The following PARD3B variants were observed in gnomAD, a reference collection of about 807,000 sequenced individuals.
The protein encoded by PARD3B is partitioning defective 3 homolog B.
In PARD3B, 103 loss-of-function variants were observed where a neutral mutation model predicts 130.2. The observed-to-expected ratio is 0.79, with a 90% CI of 0.67 to 0.93. PARD3B has a LOEUF of 0.93. Ranked by LOEUF, PARD3B falls within the 40% of genes least tolerant of loss-of-function variation. The pLI is 0.00. For missense variants in PARD3B, 1,609 were observed against 1,499.2 expected (o/e 1.07, Z -1.21); for synonymous variants, 583 against 553.2 (o/e 1.05, Z -0.76).
intron 18 of PARD3B, among the ~76,000 whole-genome samples, chr2:205,372,345 G>A (rs769738066): frequency 2.0e-5 from 3 of 152,070 alleles, no homozygotes; most frequent in Non-Finnish European, 4.4e-5. Context: ...TGTTATTATA[G>A]CAATCTTAGT....
At chr2:205,417,050 G>C (rs1008232744) in intron 19 of PARD3B, among the ~76,000 whole-genome samples, 2 of 150,814 alleles carry the variant, frequency 1.3e-5, no homozygotes, top group African/African-American at 2.4e-5. Flanking sequence ...ATTTACATTA[G>C]GTGTATCTCC....
rs1381326532 is a variant in PARD3B at position 205,276,640 on chromosome 2, G to A, written c.2186-23890G>A. Among the ~76,000 whole-genome samples, 1 of 152,126 alleles carries A rather than the reference G, an allele frequency of 6.6e-6. No individual in the cohort carries two copies. Among genetic ancestry groups the A allele is most frequent in the Non-Finnish European group, 1.5e-5 (1 of 68,032 alleles). On this transcript the variant is annotated intron_variant, in intron 16 of 22. Transcript: ENST00000406610. This position sits in a 1 kb window ranked among gnomAD's most constrained non-coding sequence, Gnocchi z 5.0. Reference sequence around the variant, plus strand: ...GGGGAAGTCAGAGAAGCTCCAAAGTGGCTTGCAGCGCTTTATCAGCCGACA... The same window carrying A: ...GGGGAAGTCAGAGAAGCTCCAAAGTAGCTTGCAGCGCTTTATCAGCCGACA...
intron 22 of PARD3B, among the ~76,000 whole-genome samples, chr2:205,610,743 T>C (rs1287193688): frequency 6.6e-6 from 1 of 152,158 alleles, no homozygotes; most frequent in Non-Finnish European, 1.5e-5. Flanking sequence ...TTGGACCCAA[T>C]ACAACCCTTT....
At chr2:205,153,007 C>T (rs2125699538) in intron 10 of PARD3B, among the ~76,000 whole-genome samples, 1 of 152,294 alleles carries the variant, frequency 6.6e-6, no homozygotes, top group South Asian at 2.1e-4. Context: ...CCTTCTAACA[C>T]TCAGGACGCT....
Position 205,241,855 on chromosome 2 carries a change from G to A in PARD3B, c.2141-3923G>A, listed in dbSNP as rs937832721. Among the ~76,000 whole-genome samples, 4 of 151,938 alleles carry A rather than the reference G, an allele frequency of 2.6e-5. No homozygotes were observed. Among genetic ancestry groups the A allele is most frequent in the Admixed American group, 1.3e-4 (2 of 15,266 alleles). ...ATATTATGCAGTGAAACTACTAGAC[G>A]TAAGCTTAAGCCCCAAGAGATAATT... On this transcript the variant is annotated intron_variant, in intron 15 of 22. Transcript: ENST00000406610. This position sits in a 1 kb window ranked among gnomAD's most constrained non-coding sequence, Gnocchi z 4.2.
chr2:205,538,611 T>C (rs554644422), intron 21 of PARD3B, among the ~76,000 whole-genome samples: 83 of 152,248 alleles, frequency 5.5e-4, no homozygotes, highest in African/African-American at 2.0e-3. Flanking sequence ...TAATTCCCTC[T>C]CTTTCTGTCT....
rs968615944 is a variant in PARD3B, at chr2:205,142,913, A to G, written c.1435-15809A>G. On this transcript the variant is annotated intron_variant, in intron 10 of 22. Transcript: ENST00000406610. This position sits in a 1 kb window ranked among gnomAD's most constrained non-coding sequence, Gnocchi z 4.3. ...ATAAATAAATAAATAAATAAATAAGATAGGCAAGCTGGCAAATAATTGTAA... is the reference window on the plus strand; with the variant it reads ...ATAAATAAATAAATAAATAAATAAGGTAGGCAAGCTGGCAAATAATTGTAA... Among the ~76,000 whole-genome samples, 1 of 99,140 alleles carries G rather than the reference A, an allele frequency of 1.0e-5. No homozygotes were observed. Among genetic ancestry groups the G allele is most frequent in the Non-Finnish European group, 2.4e-5 (1 of 41,318 alleles). 65.0% of individuals were successfully genotyped at this position (99,140 alleles called of 152,430 possible).
In PARD3B at chr2:204,821,443, A is replaced by C. The variant is rs559183964; in HGVS notation, c.222+135161A>C. 6.3e-3 allele frequency among the ~76,000 whole-genome samples: 955 copies of C among 151,714 alleles called. 9 individuals carry two copies. The highest frequency in any genetic ancestry group is 0.021 in the African/African-American group (884 of 41,382). On this transcript the variant is annotated intron_variant, in intron 2 of 22. Coordinates refer to ENST00000406610, the MANE Select transcript of PARD3B (RefSeq NM_001302769.2). ...GAAATCATCATTCTCAGTAAACTAT[A>C]GCAAGAACAAAAAACCAAACACCGC...
chr2:205,507,879 T>C (rs183340399), intron 21 of PARD3B, among the ~76,000 whole-genome samples: 2 of 152,258 alleles, frequency 1.3e-5, no homozygotes, highest in Non-Finnish European at 2.9e-5. Flanking sequence ...TCACTTTGTC[T>C]ATTGGTTCAG....
intron 18 of PARD3B, among the ~76,000 whole-genome samples, chr2:205,388,522 T>C (rs2045741066): frequency 6.6e-6 from 1 of 152,194 alleles, no homozygotes; most frequent in South Asian, 2.1e-4. Context: ...TACAATACTT[T>C]TGTGATTGTG....
In PARD3B at chr2:204,855,191, C is replaced by T. The variant is rs185752771; in HGVS notation, c.223-109961C>T. 7.6e-4 allele frequency among the ~76,000 whole-genome samples: 115 copies of T among 152,240 alleles called. 1 individual carries two copies. The highest frequency in any genetic ancestry group is 2.6e-3 in the African/African-American group (107 of 41,562). On this transcript the variant is annotated intron_variant, in intron 2 of 22. Coordinates refer to ENST00000406610, the MANE Select transcript of PARD3B (RefSeq NM_001302769.2). Reference sequence around the variant, plus strand: ...GCCTCCCAAGTATTTGGGATTACAGCCACATGCCACAGTGCACGACTCTAA... The same window carrying T: ...GCCTCCCAAGTATTTGGGATTACAGTCACATGCCACAGTGCACGACTCTAA...
chr2:205,111,825 C>T (rs1703670032), intron 5 of PARD3B, among the ~76,000 whole-genome samples: 1 of 152,034 alleles, frequency 6.6e-6, no homozygotes, highest in African/African-American at 2.4e-5. Context: ...AAGCTTGAAT[C>T]TCTGTTTATA....
Position 205,248,601 on chromosome 2 carries a change from CTT to C in PARD3B, c.2185+2803_2185+2804del, listed in dbSNP as rs762295338. On this transcript the variant is annotated intron_variant, in intron 16 of 22. Coordinates refer to ENST00000406610, the MANE Select transcript of PARD3B (RefSeq NM_001302769.2). The stretch of plus-strand genomic sequence containing the variant: ...ATAAATCTCTACTTGTCTCACCATT[CTT>C]TTTTTTTTTTTTTTTTTTTTTTTGA... Among the ~76,000 whole-genome samples the C allele has an allele frequency of 3.7e-4, 31 of 84,658 alleles. No homozygotes were observed. The East Asian group carries it at 6.2e-3, about 17-fold the overall frequency. 55.5% of individuals were successfully genotyped at this position (84,658 alleles called of 152,430 possible). A position where few individuals can be genotyped will look rare whatever the true frequency, so the allele number is the denominator to read the frequency against.
intron 2 of PARD3B, among the ~76,000 whole-genome samples, chr2:204,745,264 G>A (rs980160027): frequency 3.9e-5 from 6 of 151,992 alleles, no homozygotes; most frequent in East Asian, 1.9e-4. Context: ...TGTGTTTTGC[G>A]GCTCTTCAAT....
rs771025732 is a variant in PARD3B at position 205,590,011 on chromosome 2, G to C, written c.3261-25445G>C. ...TTTCTCCCCCAAGGTGGTTTCCAAA[G>C]TGAATGACCACTGGCTCTTTCTAAG... is the stretch of plus-strand genomic sequence containing the variant. On this transcript the variant is annotated intron_variant, in intron 22 of 22. Coordinates refer to ENST00000406610, the MANE Select transcript of PARD3B (RefSeq NM_001302769.2). The surrounding 1 kb of genome is among the most constrained non-coding windows in gnomAD (Gnocchi z 4.1). Among the ~76,000 whole-genome samples the C allele has an allele frequency of 1.3e-5, 2 of 152,120 alleles. No individual in the cohort carries two copies. Among genetic ancestry groups the C allele is most frequent in the African/African-American group, 4.8e-5 (2 of 41,404 alleles).
intron 5 of PARD3B, 116 bp downstream of exon 5, chr2:205,104,630 G>A: frequency 1.5e-6 from 1 of 680,688 alleles, no homozygotes; most frequent in Non-Finnish European, 2.5e-6. Flanking sequence ...ATCATGGAGT[G>A]CAACATGTCC....
Position 205,164,292 on chromosome 2 carries a change from A to C in PARD3B, c.1620+5385A>C, listed in dbSNP as rs138560561. Among the ~76,000 whole-genome samples, 602 of 152,330 alleles carry C rather than the reference A, an allele frequency of 4.0e-3. 2 individuals are homozygous for C. The highest frequency in any genetic ancestry group is 0.013 in the African/African-American group (559 of 41,578). On this transcript the variant is annotated intron_variant, in intron 11 of 22. Coordinates refer to ENST00000406610, the MANE Select transcript of PARD3B (RefSeq NM_001302769.2). ...TCTACCATAGGAACTATTAAAATGT[A>C]ATATAACATTACTTTTAAAATCTCA...
At position 205,125,796 on chromosome 2, in the gene PARD3B, A is replaced by T. The variant is rs1463834490; in HGVS notation, c.1434+59A>T. On this transcript the variant is annotated intron_variant, in intron 10 of 22. Coordinates refer to ENST00000406610, the MANE Select transcript of PARD3B (RefSeq NM_001302769.2). The surrounding 1 kb of genome is among the most constrained non-coding windows in gnomAD (Gnocchi z 4.0). ...AATGCCGAGCTTAATACACTCAATG[A>T]ACTCATTATAGCTGAGAAACGAGTT... The T allele has an allele frequency of 5.0e-6, 8 of 1,588,932 alleles. No individual in the cohort carries two copies. Among genetic ancestry groups the T allele is most frequent in the Non-Finnish European group, 6.9e-6 (8 of 1,164,040 alleles).
intron 2 of PARD3B, among the ~76,000 whole-genome samples, chr2:204,932,259 GC>G (rs1466271828): frequency 1.3e-5 from 2 of 152,008 alleles, no homozygotes; most frequent in African/African-American, 4.8e-5. Context: ...CAAGCTTCTT[GC>G]CATAGTCTAG....
Sources: allele counts gnomAD v4.1 joint callset (sites outside exome capture counted in the v4.1 genomes callset), GRCh38; gene constraint gnomAD v4.1.1; non-coding constraint Gnocchi (gnomAD v3.1); transcripts MANE v1.5; gene names NCBI Gene and HGNC (gene_info 2026-07-23, HGNC 2026-07-21).